The following TMEM132D variants were observed in gnomAD, a reference collection of about 807,000 sequenced individuals.
The protein encoded by TMEM132D is transmembrane protein 132D.
Under a neutral mutation model 62.3 loss-of-function variants are expected in TMEM132D, and 21 were observed. That is an observed-to-expected ratio of 0.34 (90% CI 0.24 to 0.49). TMEM132D has a LOEUF of 0.49. TMEM132D is among the 20% of genes least tolerant of loss of function. The probability of loss-of-function intolerance (pLI) is 0.99; values close to 1 mark genes in which losing one functional copy is unlikely to be tolerated. For missense variants in TMEM132D, 1,346 were observed against 1,402.8 expected (o/e 0.96, Z 0.65); for synonymous variants, 621 against 575.6 (o/e 1.08, Z -1.13).
chr12:129,677,719 C>T (rs1880666346), intron 2 of TMEM132D, among the ~76,000 whole-genome samples: 1 of 152,102 alleles, frequency 6.6e-6, no homozygotes, highest in Admixed American at 6.6e-5. Flanking sequence ...ACTTAGCACC[C>T]AGGTGAGAAC....
At chr12:129,252,574 C>T (rs966595263) in intron 4 of TMEM132D, among the ~76,000 whole-genome samples, 10 of 152,270 alleles carry the variant, frequency 6.6e-5, no homozygotes, top group Admixed American at 2.6e-4. Context: ...GAAATAGGAA[C>T]GCTTTTACAC....
chr12:129,784,436 T>C (rs1276764316), intron 1 of TMEM132D, among the ~76,000 whole-genome samples: 3 of 152,152 alleles, frequency 2.0e-5, no homozygotes, highest in Non-Finnish European at 4.4e-5. Context: ...CTTTTAAAAA[T>C]CCATTTTATT....
At chr12:129,378,903 A>G (rs1870858250) in intron 3 of TMEM132D, among the ~76,000 whole-genome samples, 3 of 152,142 alleles carry the variant, frequency 2.0e-5, no homozygotes, top group Non-Finnish European at 1.5e-5. Context: ...TAACAAATGC[A>G]ATGTCTCGGC....
chr12:129,165,269 A>C (rs1160713886), intron 5 of TMEM132D, among the ~76,000 whole-genome samples: 2 of 152,190 alleles, frequency 1.3e-5, no homozygotes, highest in African/African-American at 4.8e-5. Flanking sequence ...AGTGATGTAC[A>C]TCTGGATGAC....
At chr12:129,224,779 C>T (rs1425278440) in intron 4 of TMEM132D, among the ~76,000 whole-genome samples, 1 of 152,178 alleles carries the variant, frequency 6.6e-6, no homozygotes, top group Non-Finnish European at 1.5e-5. Context: ...GTGGCCACGC[C>T]TGCAGTCCCA....
At chr12:129,624,515 G>T (rs1879160886) in intron 2 of TMEM132D, among the ~76,000 whole-genome samples, 1 of 152,248 alleles carries the variant, frequency 6.6e-6, no homozygotes. Flanking sequence ...GGTCATCAGA[G>T]CTCAGCTGGA....
At chr12:129,568,231 G>T (rs1457596430) in intron 2 of TMEM132D, among the ~76,000 whole-genome samples, 1 of 152,212 alleles carries the variant, frequency 6.6e-6, no homozygotes, top group Non-Finnish European at 1.5e-5. Flanking sequence ...GGAATTTTCA[G>T]TTTCCTAAGG....
chr12:129,584,535 G>C (rs776722251), intron 2 of TMEM132D, among the ~76,000 whole-genome samples: 5 of 152,166 alleles, frequency 3.3e-5, no homozygotes, highest in Non-Finnish European at 5.9e-5. Context: ...TTGGCCTCTG[G>C]TTCGTGGCAA....
At chr12:129,223,670 C>G (rs189009401) in intron 4 of TMEM132D, among the ~76,000 whole-genome samples, 1 of 152,170 alleles carries the variant, frequency 6.6e-6, no homozygotes, top group Non-Finnish European at 1.5e-5. Context: ...CTTTGCAAGA[C>G]GAGAATATTA....
At chr12:129,540,075 T>C (rs1342741680) in intron 2 of TMEM132D, among the ~76,000 whole-genome samples, 1 of 152,198 alleles carries the variant, frequency 6.6e-6, no homozygotes, top group African/African-American at 2.4e-5. Context: ...TTATTTTTTT[T>C]TTTAAATTGC....
chr12:129,400,975 A>G (rs1871604149), intron 3 of TMEM132D, among the ~76,000 whole-genome samples: 1 of 152,154 alleles, frequency 6.6e-6, no homozygotes, highest in Admixed American at 6.5e-5. Context: ...GTGTGTGTCC[A>G]TTTGTGGCCC....
rs567319028 is a variant in TMEM132D, at chr12:129,640,308, G to A, written c.968+59502C>T. On this transcript the variant is annotated intron_variant, in intron 2 of 8. Transcript: ENST00000422113. ...AAAGCCACAGACACAACATAAAAGC[G>A]TGGATTTTCATAAAATCCACATCGG... Among the ~76,000 whole-genome samples, 82 of 151,950 alleles carry A rather than the reference G, an allele frequency of 5.4e-4. No individual in the cohort carries two copies. In the South Asian group the frequency reaches 0.015, roughly 27 times the overall value.
chr12:129,325,862 C>T (rs1868891402), intron 4 of TMEM132D, among the ~76,000 whole-genome samples: 1 of 152,174 alleles, frequency 6.6e-6, no homozygotes, highest in South Asian at 2.1e-4. Flanking sequence ...AGGTCATTGC[C>T]AGCTACAGAG....
intron 1 of TMEM132D, among the ~76,000 whole-genome samples, chr12:129,760,890 T>G (rs1338582082): frequency 6.6e-6 from 1 of 152,206 alleles, no homozygotes; most frequent in African/African-American, 2.4e-5. Context: ...CAACTCCCAC[T>G]TATGGGTCAG....
intron 8 of TMEM132D, among the ~76,000 whole-genome samples, chr12:129,076,450 G>A (rs1874260347): frequency 6.6e-6 from 1 of 152,128 alleles, no homozygotes; most frequent in African/African-American, 2.4e-5. Context: ...CATGACAGAA[G>A]TAATTTTACA....
At chr12:129,761,361 G>C (rs2137275283) in intron 1 of TMEM132D, among the ~76,000 whole-genome samples, 1 of 152,194 alleles carries the variant, frequency 6.6e-6, no homozygotes, top group African/African-American at 2.4e-5. Context: ...CTCCCACCTG[G>C]CTGCCCCCAA....
intron 5 of TMEM132D, among the ~76,000 whole-genome samples, chr12:129,126,417 C>T (rs1876216822): frequency 6.6e-6 from 1 of 150,950 alleles, no homozygotes; most frequent in African/African-American, 2.4e-5. Flanking sequence ...CAACCTTTCT[C>T]CCAGCATGAA....
At chr12:129,806,722 T>TA (rs1214529025) in intron 1 of TMEM132D, among the ~76,000 whole-genome samples, 3 of 151,638 alleles carry the variant, frequency 2.0e-5, no homozygotes, top group South Asian at 2.1e-4. Flanking sequence ...AAATAAAAAA[T>TA]AAAAAAATAA....
intron 5 of TMEM132D, among the ~76,000 whole-genome samples, chr12:129,175,193 T>C (rs1186803060): frequency 1.4e-5 from 2 of 139,786 alleles, no homozygotes; most frequent in Non-Finnish European, 3.1e-5. Flanking sequence ...TCTTCTAGGG[T>C]TTTTATGGTT....
Sources: allele counts gnomAD v4.1 joint callset (sites outside exome capture counted in the v4.1 genomes callset), GRCh38; gene constraint gnomAD v4.1.1; transcripts MANE v1.5; gene names NCBI Gene and HGNC (gene_info 2026-07-23, HGNC 2026-07-21).